The following PTPRD variants were observed in gnomAD, a reference collection of about 807,000 sequenced individuals.
PTPRD encodes protein tyrosine phosphatase receptor type D.
A neutral mutation model predicts 214.5 loss-of-function variants in PTPRD; 34 were observed. The observed-to-expected ratio is 0.16, with a 90% CI of 0.12 to 0.21. The LOEUF (loss-of-function observed/expected upper bound fraction) is 0.21, where lower values mean the gene tolerates loss of function less well. PTPRD is among the 10% of genes least tolerant of loss of function. The pLI is 1.00. For synonymous variants in PTPRD, 1,128 were observed against 845.7 expected, an observed-to-expected ratio of 1.33 and a Z score of -5.79; for missense variants, 2,545 against 2,398.7, an observed-to-expected ratio of 1.06 and a Z score of -1.27.
intron 2 of PTPRD, among the ~76,000 whole-genome samples, chr9:10,425,003 G>GT (rs757525058): frequency 1.6e-4 from 24 of 151,892 alleles, no homozygotes; most frequent in Non-Finnish European, 2.9e-4. Flanking sequence ...AAATTGTGCA[G>GT]TTTCTTTAGC....
intron 4 of PTPRD, among the ~76,000 whole-genome samples, chr9:9,964,479 T>A (rs1296037746): frequency 6.6e-6 from 1 of 152,116 alleles, no homozygotes; most frequent in Admixed American, 6.6e-5. Context: ...CTTAGCAGGA[T>A]AGGACAATAG....
At chr9:9,037,034 G>T (rs1239336976) in intron 10 of PTPRD, among the ~76,000 whole-genome samples, 1 of 150,962 alleles carries the variant, frequency 6.6e-6, no homozygotes, top group African/African-American at 2.4e-5. Context: ...GTTGGGTACT[G>T]GGTTAAAAAT....
intron 8 of PTPRD, among the ~76,000 whole-genome samples, chr9:9,544,458 A>C (rs186907369): frequency 1.3e-5 from 2 of 151,740 alleles, no homozygotes; most frequent in Admixed American, 6.6e-5. Flanking sequence ...GTTTAGATTT[A>C]ATTAAGATAT....
chr9:9,084,732 G>A (rs1451057889), intron 10 of PTPRD, among the ~76,000 whole-genome samples: 1 of 152,000 alleles, frequency 6.6e-6, no homozygotes, highest in Admixed American at 6.6e-5. Context: ...CAAAATGTGG[G>A]CAAGGTGCTT....
intron 11 of PTPRD, among the ~76,000 whole-genome samples, chr9:8,874,923 T>C (rs898249096): frequency 6.6e-6 from 1 of 151,914 alleles, no homozygotes; most frequent in Non-Finnish European, 1.5e-5. Flanking sequence ...GACAGAAAAA[T>C]GAAGAACATT....
At chr9:10,430,720 G>C (rs2154520440) in intron 2 of PTPRD, among the ~76,000 whole-genome samples, 1 of 151,850 alleles carries the variant, frequency 6.6e-6, no homozygotes, top group Middle Eastern at 3.4e-3. Context: ...TCTATTATTA[G>C]TTAATATTAG....
At chr9:9,788,068 G>C (rs2098938894) in intron 5 of PTPRD, among the ~76,000 whole-genome samples, 1 of 151,586 alleles carries the variant, frequency 6.6e-6, no homozygotes. Flanking sequence ...ACAGGCGTGA[G>C]CCATCGCGCC....
At chr9:9,029,250 T>C (rs1318859464) in intron 10 of PTPRD, among the ~76,000 whole-genome samples, 2 of 151,902 alleles carry the variant, frequency 1.3e-5, no homozygotes, top group African/African-American at 4.8e-5. Context: ...TGCATTATAT[T>C]TCTATTGGAC....
At chr9:10,598,495 TTATCCAAAA>T (rs1387441359) in intron 2 of PTPRD, among the ~76,000 whole-genome samples, 2 of 151,672 alleles carry the variant, frequency 1.3e-5, no homozygotes, top group African/African-American at 4.8e-5. Context: ...GAAAATAAAA[TTATCCAAAA>T]AGCCAGTCAC....
chr9:8,982,746 C>A lies in PTPRD; in HGVS notation c.-104+35951G>T, dbSNP rs568693144. On this transcript the variant is annotated intron_variant, in intron 11 of 45. Coordinates refer to ENST00000381196, the MANE Select transcript of PTPRD (RefSeq NM_002839.4). Reference sequence around the variant, plus strand: ...TTCTAGATTATCAATTCATATTTAGCAACCTGCATGTCTTTAGAATATAAA... The same window carrying A: ...TTCTAGATTATCAATTCATATTTAGAAACCTGCATGTCTTTAGAATATAAA... 1.6e-4 allele frequency among the ~76,000 whole-genome samples: 24 copies of A among 152,082 alleles called. No homozygotes were observed. The South Asian group carries it at 4.1e-3, about 26-fold the overall frequency.
At position 8,618,914 on chromosome 9, in the gene PTPRD, GTTTTTTTTTTT is replaced by G. The variant is rs554282961; in HGVS notation, c.352+14392_352+14402del. Among the ~76,000 whole-genome samples the G allele has an allele frequency of 2.5e-4, 17 of 67,836 alleles. No homozygotes were observed. In the East Asian group the frequency reaches 4.5e-3, roughly 18 times the overall value. The allele number at this position is 67,836 out of a possible 152,430, so 44.5% of individuals were successfully genotyped here. ...TGTGTGTGTTTGTCTGTGTTTTTTTGTTTTTTTTTTTTTTTTTTTTTTTTTACCGGAAACAG... is the reference window on the plus strand; with the variant it reads ...TGTGTGTGTTTGTCTGTGTTTTTTTGTTTTTTTTTTTTTTACCGGAAACAG... On this transcript the variant is annotated intron_variant, in intron 14 of 45. Transcript: ENST00000381196.
intron 5 of PTPRD, among the ~76,000 whole-genome samples, chr9:9,806,854 A>T (rs2099076183): frequency 6.6e-6 from 1 of 152,066 alleles, no homozygotes; most frequent in Non-Finnish European, 1.5e-5. Flanking sequence ...TAAGAGAAAA[A>T]CAGCTCTTGT....
chr9:9,234,661 A>G (rs1418308781), intron 9 of PTPRD, among the ~76,000 whole-genome samples: 1 of 152,198 alleles, frequency 6.6e-6, no homozygotes, highest in East Asian at 1.9e-4. Flanking sequence ...TCAAGTTCAA[A>G]GTTCCACAGA....
chr9:9,341,378 T>TC (rs1027019128), intron 9 of PTPRD, among the ~76,000 whole-genome samples: 3 of 151,968 alleles, frequency 2.0e-5, no homozygotes, highest in Non-Finnish European at 4.4e-5. Context: ...GAACTCATTA[T>TC]CCCCCCAGGG....
chr9:10,032,756 A>T (rs1225220454), intron 4 of PTPRD, among the ~76,000 whole-genome samples: 1 of 152,154 alleles, frequency 6.6e-6, no homozygotes, highest in African/African-American at 2.4e-5. Context: ...TTTAGGATTG[A>T]TTGGGATTCC....
chr9:10,220,599 T>C (rs1000705038), intron 3 of PTPRD, among the ~76,000 whole-genome samples: 1 of 151,924 alleles, frequency 6.6e-6, no homozygotes, highest in Non-Finnish European at 1.5e-5. Context: ...ACAATTATTT[T>C]TAAATTTATA....
At chr9:9,085,163 G>C (rs2099765190) in intron 10 of PTPRD, among the ~76,000 whole-genome samples, 1 of 152,026 alleles carries the variant, frequency 6.6e-6, no homozygotes, top group South Asian at 2.1e-4. Flanking sequence ...CACTTAAAGT[G>C]ACTTTCTCTT....
intron 3 of PTPRD, among the ~76,000 whole-genome samples, chr9:10,060,924 C>T (rs2154168464): frequency 8.4e-6 from 1 of 118,912 alleles, no homozygotes; most frequent in South Asian, 2.4e-4. Context: ...TTCTTTCTTT[C>T]TTTCTTTCTT....
intron 9 of PTPRD, among the ~76,000 whole-genome samples, chr9:9,323,951 G>T (rs1386986947): frequency 1.3e-5 from 2 of 152,080 alleles, no homozygotes; most frequent in Non-Finnish European, 2.9e-5. Context: ...TTGGTTTTCT[G>T]TCCTTGTGAC....
Sources: gnomAD v4.1 joint callset for allele counts (sites outside exome capture counted in the v4.1 genomes callset) on GRCh38, gnomAD v4.1.1 for gene constraint, MANE v1.5 for transcripts, NCBI Gene and HGNC (gene_info 2026-07-23, HGNC 2026-07-21) for gene names.